The following ARHGAP28 variants were observed in gnomAD, a reference collection of about 807,000 sequenced individuals.
The protein encoded by ARHGAP28 is rho GTPase-activating protein 28.
A neutral mutation model predicts 90.7 loss-of-function variants in ARHGAP28; 56 were observed. The ratio of observed to expected loss-of-function variants is 0.62; its 90% confidence interval spans 0.50 to 0.77. The LOEUF (loss-of-function observed/expected upper bound fraction) is 0.77. ARHGAP28 is among the 30% of genes least tolerant of loss of function. The pLI, the probability that ARHGAP28 is intolerant of heterozygous loss-of-function variation, is 0.00. For synonymous variants in ARHGAP28, 308 were observed against 323.3 expected, an observed-to-expected ratio of 0.95 and a Z score of 0.51; for missense variants, 869 against 900.9, an observed-to-expected ratio of 0.96 and a Z score of 0.45.
At chr18:6,766,779 A>G (rs1218519660) in intron 1 of ARHGAP28, among the ~76,000 whole-genome samples, 4 of 152,204 alleles carry the variant, frequency 2.6e-5, no homozygotes, top group Non-Finnish European at 4.4e-5. Flanking sequence ...GTTTCCCCGC[A>G]GTAAATCTCC....
At chr18:6,865,326 A>G (rs939465491) in intron 5 of ARHGAP28, among the ~76,000 whole-genome samples, 19 of 152,340 alleles carry the variant, frequency 1.2e-4, no homozygotes, top group Admixed American at 1.0e-3. Flanking sequence ...CTTTAAATTC[A>G]TGTTGAATAG....
chr18:6,880,180 C>T (rs6506449), intron 10 of ARHGAP28, among the ~76,000 whole-genome samples: 41,083 of 152,046 alleles, frequency 0.27, 5,830 homozygotes, highest in East Asian at 0.38. Flanking sequence ...AACACTGCCA[C>T]CTGCCCATTA....
chr18:6,857,239 T>C (rs776226833), intron 4 of ARHGAP28, among the ~76,000 whole-genome samples: 4 of 152,210 alleles, frequency 2.6e-5, no homozygotes, highest in Non-Finnish European at 5.9e-5. Flanking sequence ...AAAAAAGATC[T>C]GCAGGCAGAA....
intron 1 of ARHGAP28, among the ~76,000 whole-genome samples, chr18:6,748,297 A>G (rs1375062311): frequency 6.6e-6 from 1 of 152,226 alleles, no homozygotes; most frequent in Non-Finnish European, 1.5e-5. Flanking sequence ...CTTTACATTT[A>G]TAGATACCAT....
intron 16 of ARHGAP28, among the ~76,000 whole-genome samples, chr18:6,903,159 G>A (rs1435353805): frequency 1.4e-4 from 22 of 151,960 alleles, no homozygotes; most frequent in Admixed American, 1.4e-3. Context: ...GGGAAAATGG[G>A]GAATTATTGT....
intron 1 of ARHGAP28, among the ~76,000 whole-genome samples, chr18:6,820,866 G>T (rs936967164): frequency 1.3e-5 from 2 of 152,158 alleles, no homozygotes; most frequent in Non-Finnish European, 2.9e-5. Flanking sequence ...CAGATCCACA[G>T]TACAAGAAAT....
chr18:6,841,155 CTT>C (rs1191796208), intron 3 of ARHGAP28, among the ~76,000 whole-genome samples: 1,764 of 110,946 alleles, frequency 0.016, 29 homozygotes, highest in Middle Eastern at 0.031. Context: ...TCTCTCTCCT[CTT>C]TCTCTCTCTC....
At chr18:6,798,442 C>T (rs1287504515) in intron 1 of ARHGAP28, among the ~76,000 whole-genome samples, 5 of 152,210 alleles carry the variant, frequency 3.3e-5, no homozygotes, top group African/African-American at 1.2e-4. Flanking sequence ...GATCTGCCCG[C>T]CTCGGCCTCC....
rs1189104963 is a variant in ARHGAP28 at position 6,827,583 on chromosome 18, G to T, written c.325+2619G>T. Among the ~76,000 whole-genome samples, 23 of 147,446 alleles carry T rather than the reference G, an allele frequency of 1.6e-4. 1 individual carries two copies. The highest frequency in any genetic ancestry group is 5.7e-4 in the African/African-American group (23 of 40,004). On this transcript the variant is annotated intron_variant, in intron 2 of 17. Coordinates refer to ENST00000383472, the MANE Select transcript of ARHGAP28 (RefSeq NM_001366230.1). Reference sequence around the variant, plus strand: ...CCTCCCGGACGGGGCGACTGGCTGGGTGGGGGGCTGACCCCCACCTCCCTC... The same window carrying T: ...CCTCCCGGACGGGGCGACTGGCTGGTTGGGGGGCTGACCCCCACCTCCCTC...
chr18:6,821,746 C>T (rs2056628501), intron 1 of ARHGAP28, among the ~76,000 whole-genome samples: 1 of 152,184 alleles, frequency 6.6e-6, no homozygotes, highest in Non-Finnish European at 1.5e-5. Context: ...CTTAGCTGCT[C>T]ATGACCAATA....
At chr18:6,807,655 G>A (rs573407725) in intron 1 of ARHGAP28, among the ~76,000 whole-genome samples, 5 of 152,160 alleles carry the variant, frequency 3.3e-5, no homozygotes, top group African/African-American at 1.2e-4. Context: ...GGTGATTACT[G>A]GGATCCTGTT....
At chr18:6,856,634 C>T (rs1380092313) in intron 4 of ARHGAP28, among the ~76,000 whole-genome samples, 2 of 152,242 alleles carry the variant, frequency 1.3e-5, no homozygotes, top group East Asian at 3.9e-4. Context: ...CTCAGCCTCT[C>T]AAGTAGCTGG....
At chr18:6,771,885 T>A (rs1032651628) in intron 1 of ARHGAP28, among the ~76,000 whole-genome samples, 2 of 152,226 alleles carry the variant, frequency 1.3e-5, no homozygotes, top group Non-Finnish European at 2.9e-5. Context: ...TTAGGGTGAC[T>A]AGCTGGAAGA....
chr18:6,788,271 G>A (rs1025297576), intron 1 of ARHGAP28, among the ~76,000 whole-genome samples: 2 of 152,034 alleles, frequency 1.3e-5, no homozygotes, highest in African/African-American at 4.8e-5. Context: ...GCCAGGTGAC[G>A]TGCTAGCTCC....
intron 3 of ARHGAP28, among the ~76,000 whole-genome samples, chr18:6,846,271 C>A (rs1435872226): frequency 6.6e-6 from 1 of 152,076 alleles, no homozygotes; most frequent in Non-Finnish European, 1.5e-5. Context: ...CTTTTCCCAC[C>A]CTTGATGTGA....
rs1194817552 is a variant in ARHGAP28 at position 6,875,761 on chromosome 18, A to G, written c.1213-370A>G. Among the ~76,000 whole-genome samples the G allele has an allele frequency of 2.6e-5, 4 of 152,226 alleles. No individual in the cohort carries two copies. In the East Asian group the frequency reaches 7.7e-4, roughly 29 times the overall value. On this transcript the variant is annotated intron_variant, in intron 9 of 17. Transcript: ENST00000383472. Reference sequence around the variant, plus strand: ...TTAGTCAGAGTGATTGCAACCAATGACAGTAGATTTAGAATCTCTTGTTAC... The same window carrying G: ...TTAGTCAGAGTGATTGCAACCAATGGCAGTAGATTTAGAATCTCTTGTTAC...
chr18:6,742,847 C>A (rs1376991478), intron 1 of ARHGAP28, among the ~76,000 whole-genome samples: 1 of 152,114 alleles, frequency 6.6e-6, no homozygotes. Context: ...CGGAGACCAA[C>A]AGGATGAGAG....
chr18:6,768,348 TTTG>T (rs1159833226), intron 1 of ARHGAP28, among the ~76,000 whole-genome samples: 2 of 152,294 alleles, frequency 1.3e-5, no homozygotes, highest in East Asian at 1.9e-4. Flanking sequence ...GGACTGTTAT[TTTG>T]TTGTTGTTGT....
At chr18:6,782,312 A>G (rs2056330221) in intron 1 of ARHGAP28, among the ~76,000 whole-genome samples, 1 of 152,158 alleles carries the variant, frequency 6.6e-6, no homozygotes, top group Non-Finnish European at 1.5e-5. Context: ...TATTCTTTCC[A>G]TCTTTTAATG....
Sources: gnomAD v4.1 joint callset for allele counts (sites outside exome capture counted in the v4.1 genomes callset) on GRCh38, gnomAD v4.1.1 for gene constraint, MANE v1.5 for transcripts, NCBI Gene and HGNC (gene_info 2026-07-23, HGNC 2026-07-21) for gene names.